SLC25A26: variants seen among roughly 807,000 people sequenced by gnomAD.
SLC25A26 encodes the protein solute carrier family 25 member 26.
A neutral mutation model predicts 37.8 loss-of-function variants in SLC25A26; 36 were observed. The observed-to-expected ratio is 0.95, with a 90% CI of 0.73 to 1.26. The LOEUF (loss-of-function observed/expected upper bound fraction) is 1.26. Ranked by LOEUF, SLC25A26 falls within the 50% of genes most tolerant of loss-of-function variation. The pLI, the probability that SLC25A26 is intolerant of heterozygous loss-of-function variation, is 0.00. For synonymous variants in SLC25A26, 129 were observed against 122.5 expected (o/e 1.05, Z -0.35); for missense variants, 390 against 331.1 (o/e 1.18, Z -1.38).
chr3:66,173,317 G>A (rs566586992), intron 1 of SLC25A26, among the ~76,000 whole-genome samples: 8 of 152,124 alleles, frequency 5.3e-5, no homozygotes, highest in Non-Finnish European at 1.0e-4. Context: ...CAGCTCTAAT[G>A]GTATAATGCA....
At chr3:66,308,727 C>G (rs553014050) in intron 5 of SLC25A26, among the ~76,000 whole-genome samples, 91 of 152,194 alleles carry the variant, frequency 6.0e-4, no homozygotes, top group Non-Finnish European at 4.1e-4. Context: ...GTGTTTTTAG[C>G]ATGAAGGGGT....
chr3:66,259,348 A>G (rs1471603), intron 3 of SLC25A26, among the ~76,000 whole-genome samples: 4,301 of 152,236 alleles, frequency 0.028, 198 homozygotes, highest in African/African-American at 0.096. Context: ...CTGTATTCAC[A>G]TCCAAGAAAA....
intron 1 of SLC25A26, among the ~76,000 whole-genome samples, chr3:66,200,318 T>C (rs935506894): frequency 1.8e-4 from 28 of 152,296 alleles, no homozygotes; most frequent in African/African-American, 5.3e-4. Context: ...TTACTACCTT[T>C]TCCCTGGCAG....
rs1333110235 is a variant in SLC25A26, at chr3:66,273,617, A to G, written c.453+10238A>G. 3.9e-5 allele frequency among the ~76,000 whole-genome samples: 6 copies of G among 152,166 alleles called. No individual in the cohort carries two copies. The East Asian group carries it at 7.7e-4, about 20-fold the overall frequency. On this transcript the variant is annotated intron_variant, in intron 5 of 9. Coordinates refer to ENST00000354883, the MANE Select transcript of SLC25A26 (RefSeq NM_001379210.1). ...ATTCTTATACACCAATAATAGACAG[A>G]GAGCCAAATCATGAGTGAACTCCCA...
chr3:66,272,857 C>T (rs755762082), intron 5 of SLC25A26, among the ~76,000 whole-genome samples: 2 of 152,142 alleles, frequency 1.3e-5, no homozygotes, highest in Non-Finnish European at 2.9e-5. Flanking sequence ...GAGAGGGCAT[C>T]GCTGTCTTGT....
At chr3:66,214,181 T>C (rs2071327039) in intron 1 of SLC25A26, among the ~76,000 whole-genome samples, 1 of 152,114 alleles carries the variant, frequency 6.6e-6, no homozygotes, top group Admixed American at 6.6e-5. Context: ...TCCACAGTAA[T>C]GAGTTCACAT....
rs559829778 is a variant in SLC25A26 at position 66,148,256 on chromosome 3, A to G, written c.-354+14272A>G. Among the ~76,000 whole-genome samples the G allele has an allele frequency of 4.9e-4, 74 of 152,304 alleles. 1 individual carries two copies. In the South Asian group the frequency reaches 0.013, roughly 28 times the overall value. On this transcript the variant is annotated intron_variant, in intron 1 of 10. Coordinates refer to the SLC25A26 transcript ENST00000676754. ...GATGGGGACACTCAAGATTTTTAAA[A>G]AAGGAGAGTCAAATGGAATTTAACA... is the stretch of plus-strand genomic sequence containing the variant.
chr3:66,309,199 T>A (rs2075308198), intron 5 of SLC25A26, among the ~76,000 whole-genome samples: 1 of 152,232 alleles, frequency 6.6e-6, no homozygotes, highest in South Asian at 2.1e-4. Flanking sequence ...AACTTGTTAT[T>A]GGACTATTCA....
At chr3:66,369,159 G>A (rs1190262811) in intron 7 of SLC25A26, among the ~76,000 whole-genome samples, 1 of 151,812 alleles carries the variant, frequency 6.6e-6, no homozygotes, top group Non-Finnish European at 1.5e-5. Flanking sequence ...CCACATACAT[G>A]TATGTCATGT....
intron 1 of SLC25A26, among the ~76,000 whole-genome samples, chr3:66,161,150 G>A (rs1576603827): frequency 6.7e-6 from 1 of 150,154 alleles, no homozygotes; most frequent in Non-Finnish European, 1.5e-5. Flanking sequence ...TCAATTTTTC[G>A]GTTGTTGTTG....
At position 66,285,284 on chromosome 3, in the gene SLC25A26, A is replaced by G. The variant is rs148581805; in HGVS notation, c.453+21905A>G. Among the ~76,000 whole-genome samples, 878 of 151,802 alleles carry G rather than the reference A, an allele frequency of 5.8e-3. 13 individuals are homozygous for G. Among genetic ancestry groups the G allele is most frequent in the African/African-American group, 0.02 (846 of 41,358 alleles). The stretch of plus-strand genomic sequence containing the variant: ...ACATTATTATTATTTTTTTTAAAAA[A>G]CCCTGCATTTGCTTTGTAACAAGCG... On this transcript the variant is annotated intron_variant, in intron 5 of 9. Coordinates refer to ENST00000354883, the MANE Select transcript of SLC25A26 (RefSeq NM_001379210.1).
intron 5 of SLC25A26, among the ~76,000 whole-genome samples, chr3:66,300,640 G>C (rs1487568202): frequency 6.6e-6 from 1 of 152,052 alleles, no homozygotes; most frequent in Non-Finnish European, 1.5e-5. Context: ...CATGGTTTCT[G>C]CATATTTGCA....
intron 5 of SLC25A26, among the ~76,000 whole-genome samples, chr3:66,273,610 T>C (rs1002724081): frequency 6.6e-6 from 1 of 151,976 alleles, no homozygotes; most frequent in African/African-American, 2.4e-5. Context: ...ACACCAATAA[T>C]AGACAGAGAG....
At chr3:66,348,307 A>AG (rs2076373635) in intron 6 of SLC25A26, among the ~76,000 whole-genome samples, 1 of 152,232 alleles carries the variant, frequency 6.6e-6, no homozygotes, top group South Asian at 2.1e-4. Context: ...AATATAGTAG[A>AG]GGGCATCTTA....
At chr3:66,257,181 C>G (rs1296523930) in intron 3 of SLC25A26, among the ~76,000 whole-genome samples, 2 of 152,096 alleles carry the variant, frequency 1.3e-5, no homozygotes, top group East Asian at 3.9e-4. Context: ...GGGAGGGAAT[C>G]TTTTGAGGTT....
At chr3:66,345,582 C>G (rs1267769670) in intron 5 of SLC25A26, among the ~76,000 whole-genome samples, 1 of 151,004 alleles carries the variant, frequency 6.6e-6, no homozygotes, top group Non-Finnish European at 1.5e-5. Flanking sequence ...ACTTTCTTTC[C>G]TTTTCTTCCA....
intron 5 of SLC25A26, among the ~76,000 whole-genome samples, chr3:66,270,262 AT>A (rs2073911948): frequency 6.6e-6 from 1 of 152,208 alleles, no homozygotes; most frequent in African/African-American, 2.4e-5. Flanking sequence ...TGCTATAATT[AT>A]TCATTTACTT....
At chr3:66,209,065 TACAC>T (rs1290674607) in intron 1 of SLC25A26, among the ~76,000 whole-genome samples, 9,045 of 27,530 alleles carry the variant, frequency 0.33, 1,071 homozygotes, top group East Asian at 0.42. Flanking sequence ...TATATATATA[TACAC>T]ACACACACCC....
In SLC25A26 at chr3:66,178,683, T is replaced by G. The variant is rs1417137588; in HGVS notation, c.-353-42059T>G. ...GTAAGGTGTTGAGATTCTAGATGTCTCTCAGTTACTTTGATTTGTTAACGT... is the reference window on the plus strand; with the variant it reads ...GTAAGGTGTTGAGATTCTAGATGTCGCTCAGTTACTTTGATTTGTTAACGT... On this transcript the variant is annotated intron_variant, in intron 1 of 10. Coordinates refer to the SLC25A26 transcript ENST00000676754. Among the ~76,000 whole-genome samples, 4 of 152,288 alleles carry G rather than the reference T, an allele frequency of 2.6e-5. No homozygotes were observed. In the South Asian group the frequency reaches 8.3e-4, roughly 32 times the overall value.
Sources: allele counts gnomAD v4.1 joint callset (sites outside exome capture counted in the v4.1 genomes callset), GRCh38; gene constraint gnomAD v4.1.1; transcripts MANE v1.5; gene names NCBI Gene and HGNC (gene_info 2026-07-23, HGNC 2026-07-21).